Variants in GMDS observed in about 807,000 individuals in gnomAD.
GMDS encodes the protein GDP-mannose 4,6-dehydratase, also known as GDP-mannose 4,6 dehydratase.
In GMDS, 20 loss-of-function variants were observed where a neutral mutation model predicts 49.9. That is an observed-to-expected ratio of 0.40 (90% confidence interval 0.28 to 0.58). The LOEUF (loss-of-function observed/expected upper bound fraction) is 0.58. GMDS is among the 20% of genes least tolerant of loss of function. The pLI is 0.42. For missense variants in GMDS, 362 were observed against 481.4 expected (o/e 0.75, Z 2.32); for synonymous variants, 177 against 178.6 (o/e 0.99, Z 0.07).
At chr6:1,790,667 T>G (rs1379739350) in intron 7 of GMDS, among the ~76,000 whole-genome samples, 1 of 152,258 alleles carries the variant, frequency 6.6e-6, no homozygotes, top group Non-Finnish European at 1.5e-5. Flanking sequence ...TATGTTTTTC[T>G]ATAGTAGCTA....
chr6:1,866,178 G>A (rs962069010), intron 7 of GMDS, among the ~76,000 whole-genome samples: 1 of 152,166 alleles, frequency 6.6e-6, no homozygotes. Flanking sequence ...TTTTGAGAGT[G>A]CAGTTATTCC....
intron 1 of GMDS, among the ~76,000 whole-genome samples, chr6:2,228,595 A>T (rs925625676): frequency 1.3e-5 from 2 of 152,220 alleles, no homozygotes; most frequent in East Asian, 3.9e-4. Context: ...GTGCTTTAAC[A>T]AATCCTTCCA....
chr6:2,013,968 T>C (rs1249949186), intron 4 of GMDS, among the ~76,000 whole-genome samples: 4 of 113,294 alleles, frequency 3.5e-5, no homozygotes, highest in African/African-American at 1.6e-4. Context: ...ATGCATATCA[T>C]AACTGCAAAA....
At chr6:1,989,204 A>C (rs1765766631) in intron 4 of GMDS, among the ~76,000 whole-genome samples, 1 of 152,248 alleles carries the variant, frequency 6.6e-6, no homozygotes, top group Non-Finnish European at 1.5e-5. Context: ...AAGACATTTA[A>C]GGCCAAGAAA....
At chr6:1,911,040 C>T (rs1331150849) in intron 7 of GMDS, among the ~76,000 whole-genome samples, 1 of 152,176 alleles carries the variant, frequency 6.6e-6, no homozygotes, top group Admixed American at 6.5e-5. Flanking sequence ...CTGGACCCTA[C>T]AGTCAGGGAA....
intron 4 of GMDS, among the ~76,000 whole-genome samples, chr6:1,981,706 G>A (rs555102976): frequency 6.6e-6 from 1 of 152,244 alleles, no homozygotes; most frequent in Admixed American, 6.5e-5. Flanking sequence ...AAACCTAGCA[G>A]AGGTACAACA....
At chr6:1,631,826 C>CT (rs1763011495) in intron 9 of GMDS, among the ~76,000 whole-genome samples, 1 of 152,154 alleles carries the variant, frequency 6.6e-6, no homozygotes. Context: ...CAGATTCTTG[C>CT]TTTTTGGCCA....
At chr6:1,801,768 A>G (rs1481426849) in intron 7 of GMDS, among the ~76,000 whole-genome samples, 1 of 152,274 alleles carries the variant, frequency 6.6e-6, no homozygotes, top group East Asian at 1.9e-4. Flanking sequence ...GTAGAAAAGA[A>G]AGGCATTTTC....
chr6:1,670,642 G>C (rs1359769596), intron 9 of GMDS, among the ~76,000 whole-genome samples: 1 of 152,144 alleles, frequency 6.6e-6, no homozygotes, highest in Non-Finnish European at 1.5e-5. Flanking sequence ...TTTAAAATGA[G>C]GAAAAGTTAA....
At chr6:2,161,291 G>T (rs1298725314) in intron 1 of GMDS, among the ~76,000 whole-genome samples, 1 of 152,178 alleles carries the variant, frequency 6.6e-6, no homozygotes, top group Non-Finnish European at 1.5e-5. Flanking sequence ...TTACAAGCGT[G>T]AGCCACCACA....
chr6:1,637,290 A>T (rs1344970921), intron 9 of GMDS, among the ~76,000 whole-genome samples: 1 of 152,246 alleles, frequency 6.6e-6, no homozygotes, highest in African/African-American at 2.4e-5. Context: ...CTCCAGGCCC[A>T]GGAGCCCCGC....
chr6:1,786,516 C>G (rs1036306768), intron 7 of GMDS, among the ~76,000 whole-genome samples: 1 of 152,242 alleles, frequency 6.6e-6, no homozygotes, highest in African/African-American at 2.4e-5. Context: ...GGGACCTCAG[C>G]ATCCCAGGCT....
At chr6:1,845,491 AC>A (rs1489173675) in intron 7 of GMDS, among the ~76,000 whole-genome samples, 4 of 152,220 alleles carry the variant, frequency 2.6e-5, no homozygotes, top group Non-Finnish European at 5.9e-5. Flanking sequence ...CGGCTTATAA[AC>A]ATTAAATGAA....
intron 7 of GMDS, among the ~76,000 whole-genome samples, chr6:1,823,632 C>G (rs1399751140): frequency 6.6e-6 from 1 of 152,102 alleles, no homozygotes; most frequent in Non-Finnish European, 1.5e-5. Context: ...AGGTTGTGAC[C>G]TTACCTCCCC....
rs137943440 is a variant in GMDS, at chr6:2,167,942, C to T, written c.103-43211G>A. 5.9e-5 allele frequency among the ~76,000 whole-genome samples: 9 copies of T among 152,280 alleles called. No individual in the cohort carries two copies. In the East Asian group the frequency reaches 1.3e-3, roughly 23 times the overall value. ...AGTCAATAAGTACTGCTTAAATAAGCGAACAAATGGCTGGATGACTAAGGT... is the reference window on the plus strand; with the variant it reads ...AGTCAATAAGTACTGCTTAAATAAGTGAACAAATGGCTGGATGACTAAGGT... On this transcript the variant is annotated intron_variant, in intron 1 of 10. Coordinates refer to ENST00000380815, the MANE Select transcript of GMDS (RefSeq NM_001500.4).
chr6:1,927,354 T>C (rs1449616459), intron 7 of GMDS, among the ~76,000 whole-genome samples: 2 of 151,550 alleles, frequency 1.3e-5, no homozygotes, highest in African/African-American at 2.4e-5. Flanking sequence ...AGCGTGTTGG[T>C]GTATTTTTAT....
intron 1 of GMDS, among the ~76,000 whole-genome samples, chr6:2,167,601 C>T (rs1177961533): frequency 4.6e-5 from 7 of 152,080 alleles, no homozygotes; most frequent in Non-Finnish European, 8.8e-5. Context: ...CTTATGATTC[C>T]ACCTAATCTC....
intron 7 of GMDS, among the ~76,000 whole-genome samples, chr6:1,781,636 A>ATG (rs1561800923): frequency 1.3e-5 from 2 of 151,482 alleles, no homozygotes; most frequent in Non-Finnish European, 3.0e-5. Flanking sequence ...TCTTCCACAC[A>ATG]TGGCCTTAAG....
intron 4 of GMDS, among the ~76,000 whole-genome samples, chr6:2,068,679 G>T (rs1057313026): frequency 2.6e-5 from 4 of 152,058 alleles, no homozygotes; most frequent in African/African-American, 9.7e-5. Context: ...GCTTCAAAGA[G>T]AATAAAATAC....
Sources: allele counts gnomAD v4.1 joint callset (sites outside exome capture counted in the v4.1 genomes callset), GRCh38; gene constraint gnomAD v4.1.1; transcripts MANE v1.5; gene names NCBI Gene and HGNC (gene_info 2026-07-23, HGNC 2026-07-21).